ARAP2: variants seen among roughly 807,000 people sequenced by gnomAD.
ARAP2 encodes arf-GAP with Rho-GAP domain, ANK repeat and PH domain-containing protein 2.
In ARAP2, 148 loss-of-function variants were observed where a neutral mutation model predicts 194.5. The ratio of observed to expected loss-of-function variants is 0.76; its 90% CI spans 0.67 to 0.87. The LOEUF (loss-of-function observed/expected upper bound fraction) is 0.87. Ranked by LOEUF, ARAP2 falls within the 40% of genes least tolerant of loss-of-function variation. ARAP2 has a pLI of 0.00. For missense variants in ARAP2, 2,128 were observed against 1,989.7 expected (o/e 1.07, Z -1.32); for synonymous variants, 695 against 683.5 (o/e 1.02, Z -0.26).
At chr4:36,169,574 A>C (rs1463890097) in intron 9 of ARAP2, among the ~76,000 whole-genome samples, 4 of 146,456 alleles carry the variant, frequency 2.7e-5, no homozygotes. Context: ...TCTGTCACCC[A>C]GGCTAGAGTG....
chr4:36,186,408 C>T (rs1251865235), intron 8 of ARAP2, among the ~76,000 whole-genome samples: 1 of 152,166 alleles, frequency 6.6e-6, no homozygotes, highest in Non-Finnish European at 1.5e-5. Flanking sequence ...TCGGCTTTTA[C>T]CATCAAGTGC....
intron 7 of ARAP2, among the ~76,000 whole-genome samples, chr4:36,190,533 C>T (rs879029807): frequency 2.0e-5 from 3 of 152,194 alleles, no homozygotes; most frequent in African/African-American, 7.2e-5. Context: ...ATCACTTCCA[C>T]TGAGGCTCCA....
At chr4:36,012,223 A>G (rs1173324085) in intron 9 of ARAP2, among the ~76,000 whole-genome samples, 2 of 152,184 alleles carry the variant, frequency 1.3e-5, no homozygotes, top group Non-Finnish European at 2.9e-5. Context: ...ATTTTGCTTC[A>G]GCAAAAAGTG....
At chr4:36,234,192 G>C (rs1337986466) in intron 1 of ARAP2, among the ~76,000 whole-genome samples, 1 of 152,210 alleles carries the variant, frequency 6.6e-6, no homozygotes, top group Non-Finnish European at 1.5e-5. Flanking sequence ...CTGTACCTTA[G>C]ATTGGGTAAT....
Position 36,229,534 on chromosome 4 carries a change from GAC to G in ARAP2, c.-50_-49del, listed in dbSNP as rs764361426. 1.5e-5 allele frequency: 22 copies of G among 1,420,972 alleles called. No individual in the cohort carries two copies. The highest frequency in any genetic ancestry group is 2.9e-5 in the African/African-American group (2 of 70,134). 88.0% of individuals were successfully genotyped at this position (1,420,972 alleles called of 1,614,324 possible). Reference sequence around the variant, plus strand: ...TGAGTTACAAAAAGTGGCACGATGAGACACACACACAAGAAGATGTACTTCTC... The same window carrying G: ...TGAGTTACAAAAAGTGGCACGATGAGACACACACAAGAAGATGTACTTCTC... On this transcript the variant is annotated 5_prime_UTR_variant, in exon 2 of 33. Coordinates refer to ENST00000303965, the MANE Select transcript of ARAP2 (RefSeq NM_015230.4).
At chr4:36,088,062 T>C (rs1380485927) in intron 28 of ARAP2, among the ~76,000 whole-genome samples, 1 of 152,122 alleles carries the variant, frequency 6.6e-6, no homozygotes, top group Non-Finnish European at 1.5e-5. Context: ...TGAATGTTAG[T>C]TGCTGCTATT....
intron 31 of ARAP2, among the ~76,000 whole-genome samples, chr4:36,076,708 C>T (rs1048221662): frequency 6.6e-6 from 1 of 152,056 alleles, no homozygotes; most frequent in Middle Eastern, 3.2e-3. Context: ...TGAATATAAT[C>T]TAAGTGCTGA....
intron 22 of ARAP2, among the ~76,000 whole-genome samples, chr4:36,121,990 G>A (rs576637690): frequency 1.6e-4 from 25 of 151,664 alleles, no homozygotes; most frequent in Admixed American, 1.1e-3. Flanking sequence ...TAACACTGGG[G>A]TCTTAAAAGA....
intron 2 of ARAP2, among the ~76,000 whole-genome samples, chr4:36,222,117 G>GT (rs1161592418): frequency 2.0e-5 from 3 of 152,056 alleles, no homozygotes; most frequent in Admixed American, 6.6e-5. Context: ...ATCCTCTCCT[G>GT]TTCTTACACT....
In ARAP2 at chr4:36,105,011, T is replaced by C. The variant is rs116775369; in HGVS notation, c.4285+2554A>G. Among the ~76,000 whole-genome samples, 1,381 of 152,054 alleles carry C rather than the reference T, an allele frequency of 9.1e-3. 18 individuals are homozygous for C. Among genetic ancestry groups the C allele is most frequent in the African/African-American group, 0.031 (1,298 of 41,520 alleles). On this transcript the variant is annotated intron_variant, in intron 27 of 32. Transcript: ENST00000303965. ...TTTATGGCTCCCACCCTGTTAGAGA[T>C]GTGACGTGGGTAAGAGAGTGACACA...
rs10003917 is a variant in ARAP2 at position 36,167,902 on chromosome 4, C to G, written c.1858-855G>C. Among the ~76,000 whole-genome samples the G allele has an allele frequency of 2.6e-3, 397 of 151,490 alleles. 2 individuals are homozygous for G. Among genetic ancestry groups the G allele is most frequent in the African/African-American group, 9.3e-3 (384 of 41,258 alleles). Reference sequence around the variant, plus strand: ...TCAATTAAATAATCTCCACACTTTACAAAACAATATGTACATCAAAAAATG... The same window carrying G: ...TCAATTAAATAATCTCCACACTTTAGAAAACAATATGTACATCAAAAAATG... On this transcript the variant is annotated intron_variant, in intron 9 of 32. Transcript: ENST00000303965.
intron 6 of ARAP2, among the ~76,000 whole-genome samples, chr4:36,203,321 C>A (rs367724268): frequency 6.6e-6 from 1 of 151,958 alleles, no homozygotes; most frequent in African/African-American, 2.4e-5. Flanking sequence ...CGCAGTGGCT[C>A]ACCCTGTAAT....
chr4:36,058,157 A>C (rs1184991187), intron 1 of ARAP2: 1 of 152,164 alleles, frequency 6.6e-6, no homozygotes, highest in Non-Finnish European at 1.5e-5. Flanking sequence ...CATGATAGTA[A>C]ATACAATTGA....
At chr4:36,107,438 T>C in intron 27 of ARAP2, 127 bp downstream of exon 27, 1 of 931,852 alleles carries the variant, frequency 1.1e-6, no homozygotes. Context: ...ATATATGTAC[T>C]ATCTCAGTTC....
At chr4:36,109,763 A>T (rs778692533) in intron 26 of ARAP2, among the ~76,000 whole-genome samples, 1 of 151,840 alleles carries the variant, frequency 6.6e-6, no homozygotes, top group Non-Finnish European at 1.5e-5. Context: ...GGCACAAAGT[A>T]CAGGTTTGTT....
At chr4:36,071,082 G>C (rs976969976) in intron 32 of ARAP2, among the ~76,000 whole-genome samples, 1 of 151,922 alleles carries the variant, frequency 6.6e-6, no homozygotes, top group Non-Finnish European at 1.5e-5. Context: ...TTCTTTGCTC[G>C]TTATTTTTGT....
At chr4:36,123,546 T>G (rs1723174385) in intron 22 of ARAP2, among the ~76,000 whole-genome samples, 1 of 151,762 alleles carries the variant, frequency 6.6e-6, no homozygotes, top group Non-Finnish European at 1.5e-5. Flanking sequence ...TTTACTTCTC[T>G]GCTCCGAGGT....
chr4:36,125,020 G>T, intron 21 of ARAP2, 53 bp from the exon 22 acceptor site: 1 of 1,192,960 alleles, frequency 8.4e-7, no homozygotes, highest in Non-Finnish European at 1.2e-6. Context: ...TCTATGTTAT[G>T]GATTTGTCTA....
chr4:36,196,679 A>C (rs1205035868), intron 6 of ARAP2, among the ~76,000 whole-genome samples: 3 of 152,150 alleles, frequency 2.0e-5, no homozygotes, highest in Admixed American at 2.0e-4. Context: ...ATGAAAGAAC[A>C]ACTGCCCTAC....
Sources: allele counts gnomAD v4.1 joint callset (sites outside exome capture counted in the v4.1 genomes callset), GRCh38; gene constraint gnomAD v4.1.1; transcripts MANE v1.5; gene names NCBI Gene and HGNC (gene_info 2026-07-23, HGNC 2026-07-21).